CIRBP: variants seen among roughly 807,000 people sequenced by gnomAD.
CIRBP encodes the protein cold inducible RNA binding protein, also known as cold-inducible RNA-binding protein.
In CIRBP, 11 loss-of-function variants were observed where a neutral mutation model predicts 22.3. That is an observed-to-expected ratio of 0.49 (90% CI 0.31 to 0.82). The LOEUF is 0.82. CIRBP is among the 40% of genes least tolerant of loss of function. The pLI, the probability that CIRBP is intolerant of heterozygous loss-of-function variation, is 0.05. For synonymous variants in CIRBP, 216 were observed against 158.8 expected, an observed-to-expected ratio of 1.36 and a Z score of -2.71; for missense variants, 456 against 402.7, an observed-to-expected ratio of 1.13 and a Z score of -1.13.
Position 1,271,532 on chromosome 19 carries a change from C to G in CIRBP, c.350-19C>G, listed in dbSNP as rs915741978. The stretch of plus-strand genomic sequence containing the variant: ...TACTGCTGGTGGGAGCTGGTACTCA[C>G]TTTTTCCTGTATGTGCAGGAGGAGG... On this transcript the variant is annotated intron_variant, in intron 4 of 5. Transcript: ENST00000587896. 3.1e-6 allele frequency: 5 copies of G among 1,593,236 alleles called. No homozygotes were observed. The highest frequency in any genetic ancestry group is 1.7e-4 in the Middle Eastern group (1 of 5,882).
intron 3 of CIRBP, 34 bp from the exon 4 acceptor site, chr19:1,271,295 C>G: frequency 6.2e-7 from 1 of 1,614,002 alleles, no homozygotes; most frequent in Non-Finnish European, 8.5e-7. Context: ...GATGGGGCAC[C>G]CACCTGCTAA....
chr19:1,271,433 T>C lies in CIRBP; in HGVS notation c.315T>C (p.Arg105=), dbSNP rs2145528535. The part of the protein sequence containing the change: ...GGSAGGRGFF[R]GGRGRGRGFS... ...CTGCCGGGGGCCGGGGCTTCTTCCG[T>C]GGGGGCCGAGGACGGGGCCGTGGGT... The change falls in exon 4 of 6, where the codon CGT becomes CGC. Residue 105 remains arginine (R), a synonymous_variant. Coordinates refer to ENST00000587896, the MANE Select transcript of CIRBP (RefSeq NM_001300829.2). The C allele has an allele frequency of 6.2e-7, 1 of 1,612,642 alleles. No individual in the cohort carries two copies. The highest frequency in any genetic ancestry group is 8.5e-7 in the Non-Finnish European group (1 of 1,179,444).
At chr19:1,271,701 T>TC (rs1427728611) in intron 5 of CIRBP, 69 bp downstream of exon 5, 16 of 1,032,762 alleles carry the variant, frequency 1.5e-5, no homozygotes, top group Non-Finnish European at 2.3e-5. Context: ...GGGTCCCAGG[T>TC]CCCTGGGGGA....
In CIRBP at chr19:1,272,722, A is replaced by G; in HGVS notation, c.*279A>G. 1 of 319,702 alleles carries G rather than the reference A, an allele frequency of 3.1e-6. No homozygotes were observed. The highest frequency in any genetic ancestry group is 5.7e-6 in the Non-Finnish European group (1 of 174,720). 19.8% of individuals were successfully genotyped at this position (319,702 alleles called of 1,614,324 possible). On this transcript the variant is annotated 3_prime_UTR_variant, in exon 6 of 6. Coordinates refer to ENST00000587896, the MANE Select transcript of CIRBP (RefSeq NM_001300829.2). ...TGACCACGAGCCATGAGTTTTCAAAAAAATCGGGGGTTGTGTGGGTTTTTG... is the reference window on the plus strand; with the variant it reads ...TGACCACGAGCCATGAGTTTTCAAAGAAATCGGGGGTTGTGTGGGTTTTTG...
At position 1,274,182 on chromosome 19, in the gene CIRBP, G is replaced by A. The variant is rs1222628834; in HGVS notation, c.*1739G>A. 5 of 397,314 alleles carry A rather than the reference G, an allele frequency of 1.3e-5. No individual in the cohort carries two copies. Among genetic ancestry groups the A allele is most frequent in the Non-Finnish European group, 2.2e-5 (5 of 225,132 alleles). The allele number at this position is 397,314 out of a possible 1,614,324, so 24.6% of individuals were successfully genotyped here. ...GGCATGCTGGCCTGTGACGGAGCCTGAGGTCACAGCCCCCTGACTAGCCTG... is the reference window on the plus strand; with the variant it reads ...GGCATGCTGGCCTGTGACGGAGCCTAAGGTCACAGCCCCCTGACTAGCCTG... On this transcript the variant is annotated 3_prime_UTR_variant, in exon 6 of 6. Transcript: ENST00000587896.
At chr19:1,270,482 A>G (rs1302372050) in intron 1 of CIRBP, among the ~76,000 whole-genome samples, 1 of 152,158 alleles carries the variant, frequency 6.6e-6, no homozygotes, top group South Asian at 2.1e-4. Context: ...AAGAAGTCCT[A>G]GGTGGCTGGG....
rs2081388459 is a variant in CIRBP, at chr19:1,274,352, AGCGATGACCTC to A, written c.*1910_*1920del. The A allele has an allele frequency of 7.5e-6, 3 of 401,248 alleles. No individual in the cohort carries two copies. Among genetic ancestry groups the A allele is most frequent in the Non-Finnish European group, 1.3e-5 (3 of 226,374 alleles). The allele number at this position is 401,248 out of a possible 1,614,324, so 24.9% of individuals were successfully genotyped here. A position where few individuals can be genotyped will look rare whatever the true frequency, so the allele number is the denominator to read the frequency against. On this transcript the variant is annotated 3_prime_UTR_variant, in exon 6 of 6. Coordinates refer to ENST00000587896, the MANE Select transcript of CIRBP (RefSeq NM_001300829.2). ...ACTCGGGGAAGGGTGGCCTGAGAGC[AGCGATGACCTC>A]TGGGGTCACTGTCCCAGGAGGGACT...
intron 1 of CIRBP, chr19:1,270,240 C>G (rs1027305923): frequency 4.8e-5 from 19 of 395,766 alleles, no homozygotes; most frequent in Admixed American, 1.6e-4. Context: ...CAGCCCCCCC[C>G]CCAGTCTCAG....
chr19:1,269,695 G>C, intron 1 of CIRBP: 1 of 336,816 alleles, frequency 3.0e-6, no homozygotes, highest in Non-Finnish European at 5.8e-6. Flanking sequence ...TTCCCGGATG[G>C]AGTGGCGCAG....
rs1439363047 is a variant in CIRBP, at chr19:1,274,115, G to A, written c.*1672G>A. ...TGGCCCACATAGCTCCATCCCATAC[G>A]GGTAGCTGGCTCCAGCTGCGCCAAG... On this transcript the variant is annotated 3_prime_UTR_variant, in exon 6 of 6. Transcript: ENST00000587896. The A allele has an allele frequency of 5.1e-6, 2 of 389,694 alleles. No homozygotes were observed. Among genetic ancestry groups the A allele is most frequent in the East Asian group, 3.6e-5 (1 of 27,564 alleles). The allele number at this position is 389,694 out of a possible 1,614,324, so 24.1% of individuals were successfully genotyped here.
Position 1,269,360 on chromosome 19 carries a change from G to C in CIRBP, c.-57G>C, listed in dbSNP as rs905018925. 1 of 151,990 alleles carries C rather than the reference G, an allele frequency of 6.6e-6. No homozygotes were observed. The highest frequency in any genetic ancestry group is 1.5e-5 in the Non-Finnish European group (1 of 67,986). The allele number at this position is 151,990 out of a possible 1,614,324, so 9.4% of individuals were successfully genotyped here. ...ACTCGCGCGTTAGGAGGCTCGGGTC[G>C]TTGTGGTGCGCTGTCTTCCCGCTTG... On this transcript the variant is annotated 5_prime_UTR_variant, in exon 1 of 6. Coordinates refer to ENST00000587896, the MANE Select transcript of CIRBP (RefSeq NM_001300829.2).
Position 1,273,699 on chromosome 19 carries a change from T to C in CIRBP, c.*1256T>C, listed in dbSNP as rs1308327781. 1 of 152,260 alleles carries C rather than the reference T, an allele frequency of 6.6e-6. No individual in the cohort carries two copies. The highest frequency in any genetic ancestry group is 1.5e-5 in the Non-Finnish European group (1 of 68,062). The allele number at this position is 152,260 out of a possible 1,614,324, so 9.4% of individuals were successfully genotyped here. On this transcript the variant is annotated 3_prime_UTR_variant, in exon 6 of 6. Transcript: ENST00000587896. ...CCCTTGGCTAGCTCATATGTGGAAA[T>C]AGCCCTGTAATTCGAGGTAACTCCT...
At chr19:1,270,136 GCCATCCCTTCCCGATT>G in intron 1 of CIRBP, 1 of 515,936 alleles carries the variant, frequency 1.9e-6, no homozygotes, top group South Asian at 1.4e-5. Flanking sequence ...CACTTCCGGG[GCCATCCCTTCCCGATT>G]CCCGGCCTAG....
intron 1 of CIRBP, chr19:1,270,233 C>G (rs1012399213): frequency 4.2e-4 from 5 of 11,898 alleles, no homozygotes; most frequent in Non-Finnish European, 6.9e-4. Context: ...TGACAGCCAG[C>G]CCCCCCCCCA....
In CIRBP at chr19:1,272,008, C is replaced by T; in HGVS notation, c.459C>T (p.Asp153=). ...SSRSQSGGYS[D]RSSGGSYRDS... is the part of the protein sequence containing the mutation. ...GGAGTCAGAGTGGTGGCTACAGTGA[C>T]CGGAGCTCGGGCGGGTCCTACAGAG... Residue 153 remains aspartate (D), a synonymous_variant, in exon 6 of 6, where the codon GAC becomes GAT. Transcript: ENST00000587896. 1.2e-6 allele frequency: 2 copies of T among 1,612,132 alleles called. No homozygotes were observed. Among genetic ancestry groups the T allele is most frequent in the Non-Finnish European group, 1.7e-6 (2 of 1,178,348 alleles).
chr19:1,271,531 A>G lies in CIRBP; in HGVS notation c.350-20A>G. 1 of 1,592,310 alleles carries G rather than the reference A, an allele frequency of 6.3e-7. No individual in the cohort carries two copies. The highest frequency in any genetic ancestry group is 8.5e-7 in the Non-Finnish European group (1 of 1,170,178). ...GTACTGCTGGTGGGAGCTGGTACTC[A>G]CTTTTTCCTGTATGTGCAGGAGGAG... is the stretch of plus-strand genomic sequence containing the variant. On this transcript the variant is annotated intron_variant, in intron 4 of 5. Transcript: ENST00000587896.
chr19:1,272,552 T>A lies in CIRBP; in HGVS notation c.*109T>A. The A allele has an allele frequency of 1.0e-6, 1 of 988,110 alleles. No homozygotes were observed. Among genetic ancestry groups the A allele is most frequent in the Non-Finnish European group, 1.5e-6 (1 of 658,642 alleles). The allele number at this position is 988,110 out of a possible 1,614,324, so 61.2% of individuals were successfully genotyped here. Reference sequence around the variant, plus strand: ...AATGCACCTCCTTGTATTCCCACTTTCGTAGTCATTTCGGTTCTGATCTTG... The same window carrying A: ...AATGCACCTCCTTGTATTCCCACTTACGTAGTCATTTCGGTTCTGATCTTG... On this transcript the variant is annotated 3_prime_UTR_variant, in exon 6 of 6. Coordinates refer to ENST00000587896, the MANE Select transcript of CIRBP (RefSeq NM_001300829.2).
At chr19:1,270,100 T>C (rs778956379) in intron 1 of CIRBP, 14 of 519,202 alleles carry the variant, frequency 2.7e-5, no homozygotes, top group Admixed American at 1.6e-4. Context: ...AAATGCCACT[T>C]CCCCTGCCTG....
At chr19:1,269,796 G>C (rs764033832) in intron 1 of CIRBP, 3 of 509,608 alleles carry the variant, frequency 5.9e-6, no homozygotes, top group Admixed American at 5.9e-5. Flanking sequence ...TGGGGCTGGA[G>C]GTATCCACAC....
Sources: allele counts gnomAD v4.1 joint callset (sites outside exome capture counted in the v4.1 genomes callset), GRCh38; gene constraint gnomAD v4.1.1; transcripts MANE v1.5; gene names NCBI Gene and HGNC (gene_info 2026-07-23, HGNC 2026-07-21).